The following PAH variants were observed in gnomAD, a reference collection of about 807,000 sequenced individuals.
PAH encodes the protein phenylalanine hydroxylase.
Under a neutral mutation model 62.0 loss-of-function variants are expected in PAH, and 64 were observed. That is an observed-to-expected ratio of 1.03 (90% CI 0.84 to 1.27). The LOEUF is 1.27. Ranked by LOEUF, PAH falls within the 50% of genes most tolerant of loss-of-function variation. PAH has a pLI of 0.00. For missense variants in PAH, 579 were observed against 542.8 expected, an observed-to-expected ratio of 1.07 and a Z score of -0.66; for synonymous variants, 195 against 196.2, an observed-to-expected ratio of 0.99 and a Z score of 0.05.
At position 102,852,280 on chromosome 12, in the gene PAH, G is replaced by C. The variant is rs528881348; in HGVS notation, c.843-524C>G. 58 of 195,120 alleles carry C rather than the reference G, an allele frequency of 3.0e-4. 2 individuals carry two copies. The South Asian group carries it at 5.5e-3, about 19-fold the overall frequency. 12.1% of individuals were successfully genotyped at this position (195,120 alleles called of 1,614,324 possible). A position where few individuals can be genotyped will look rare whatever the true frequency, so the allele number is the denominator to read the frequency against. ...ATGTCCATTTGGAACAGGTCTTTTT[G>C]GATTTGTAGCAATGAACTTTATGGG... On this transcript the variant is annotated intron_variant, in intron 7 of 12. Coordinates refer to ENST00000553106, the MANE Select transcript of PAH (RefSeq NM_000277.3).
At chr12:102,947,709 G>A (rs947149563) in intron 1 of PAH, among the ~76,000 whole-genome samples, 1 of 152,190 alleles carries the variant, frequency 6.6e-6, no homozygotes, top group Non-Finnish European at 1.5e-5. Flanking sequence ...TATCTTTTAT[G>A]TGTAGCAAAA....
intron 1 of PAH, among the ~76,000 whole-genome samples, chr12:102,947,788 T>C (rs1879562819): frequency 6.6e-6 from 1 of 152,208 alleles, no homozygotes; most frequent in Admixed American, 6.5e-5. Context: ...TAGATGTAGA[T>C]GGACATGTAT....
intron 11 of PAH, among the ~76,000 whole-genome samples, chr12:102,841,584 T>C (rs1272574070): frequency 1.3e-5 from 2 of 152,192 alleles, no homozygotes. Flanking sequence ...TGTTATACTA[T>C]GGTGTAAGTG....
chr12:102,871,653 T>C (rs1027133770), intron 4 of PAH, among the ~76,000 whole-genome samples: 8 of 152,156 alleles, frequency 5.3e-5, no homozygotes, highest in Non-Finnish European at 8.8e-5. Context: ...CCAGGTGCAG[T>C]GGCTCATGCC....
intron 1 of PAH, among the ~76,000 whole-genome samples, chr12:102,945,792 C>G (rs1879471439): frequency 6.6e-6 from 1 of 152,160 alleles, no homozygotes; most frequent in Admixed American, 6.5e-5. Context: ...TTTTACCCCA[C>G]TGCGGCCAAC....
chr12:102,915,592 C>T (rs1452529145), intron 1 of PAH, among the ~76,000 whole-genome samples: 1 of 152,182 alleles, frequency 6.6e-6, no homozygotes, highest in Admixed American at 6.5e-5. Context: ...TGCTGATCCC[C>T]CTTCACTTGC....
intron 8 of PAH, among the ~76,000 whole-genome samples, chr12:102,848,737 TG>T (rs552649122): frequency 4.9e-4 from 73 of 149,516 alleles, no homozygotes; most frequent in Non-Finnish European, 7.9e-4. Flanking sequence ...ACCAGGAGAC[TG>T]GAGAGGTTGA....
chr12:102,955,033 G>A (rs1480935295), upstream of PAH, among the ~76,000 whole-genome samples: 1 of 152,198 alleles, frequency 6.6e-6, no homozygotes, highest in Non-Finnish European at 1.5e-5. Flanking sequence ...GGCTGGCATA[G>A]GGAGAATAGA....
chr12:102,866,196 A>G (rs1875951902), intron 5 of PAH, among the ~76,000 whole-genome samples: 1 of 152,110 alleles, frequency 6.6e-6, no homozygotes, highest in African/African-American at 2.4e-5. Flanking sequence ...ATTTCAGTAA[A>G]GCAGCCAGCT....
intron 1 of PAH, among the ~76,000 whole-genome samples, chr12:102,948,990 C>G (rs1363703185): frequency 6.6e-6 from 1 of 152,010 alleles, no homozygotes; most frequent in Admixed American, 6.5e-5. Context: ...AATCAAGTTG[C>G]AAATGTTCGC....
At position 102,852,815 on chromosome 12, in the gene PAH, G is replaced by T. The variant is rs5030851; in HGVS notation, c.842C>A (p.Pro281His). 3 of 1,613,882 alleles carry T rather than the reference G, an allele frequency of 1.9e-6. No individual in the cohort carries two copies. The African/African-American group carries it at 4.0e-5, about 22-fold the overall frequency. ...HGSKPMYTPE[P>H]DICHELLGHV... is the part of the protein sequence containing the mutation. The stretch of plus-strand genomic sequence containing the variant: ...CTGGTAGCTGGAGGACAGTACTCAC[G>T]GTTCGGGGGTATACATGGGCTTGGA... Residue 281 changes from proline (P) to histidine (H), a missense_variant and splice_region_variant, in exon 7 of 13, where the codon CCT becomes CAT. Transcript: ENST00000553106.
chr12:102,859,379 G>A (rs4646988), intron 5 of PAH, among the ~76,000 whole-genome samples: 56,832 of 151,894 alleles, frequency 0.37, 11,159 homozygotes, highest in Non-Finnish European at 0.43. Context: ...ATTCATAGCC[G>A]AATTCTACCA....
chr12:102,862,128 C>T (rs555296731), intron 5 of PAH, among the ~76,000 whole-genome samples: 23 of 152,240 alleles, frequency 1.5e-4, no homozygotes, highest in East Asian at 5.8e-4. Context: ...GCACTATTCA[C>T]GATAGCACAG....
intron 1 of PAH, among the ~76,000 whole-genome samples, chr12:102,947,856 A>G (rs1170958685): frequency 6.6e-6 from 1 of 152,202 alleles, no homozygotes; most frequent in Non-Finnish European, 1.5e-5. Context: ...GCAGTTGACA[A>G]ACTGTGGACC....
rs571391589 is a variant in PAH, at chr12:102,863,824, A to T, written c.509+2772T>A. On this transcript the variant is annotated intron_variant, in intron 5 of 12. Transcript: ENST00000553106. ...CTCCTTTATGTTTGAGTTGTTTTGC[A>T]GATGAAAAATATAAGCTCCTATGAT... 2.6e-3 allele frequency among the ~76,000 whole-genome samples: 400 copies of T among 152,248 alleles called. 2 individuals are homozygous for T. The highest frequency in any genetic ancestry group is 9.0e-3 in the African/African-American group (373 of 41,540).
chr12:102,843,896 A>G (rs1874711293), intron 10 of PAH, 117 bp from the exon 11 acceptor site: 2 of 1,168,946 alleles, frequency 1.7e-6, no homozygotes, highest in Non-Finnish European at 2.5e-6. Flanking sequence ...CTTCTACATC[A>G]CAGCCCAAAT....
chr12:102,912,651 A>G (rs1878245576), intron 2 of PAH, 140 bp downstream of exon 2: 2 of 697,204 alleles, frequency 2.9e-6, no homozygotes, highest in African/African-American at 3.5e-5. Context: ...AAGGTCACAC[A>G]GTTGGTTAAT....
At chr12:102,912,679 A>G (rs1878245976) in intron 2 of PAH, 112 bp downstream of exon 2, 2 of 807,330 alleles carry the variant, frequency 2.5e-6, no homozygotes, top group Non-Finnish European at 4.3e-6. Flanking sequence ...CTTGAGCTCA[A>G]ATTCAAATCT....
At chr12:102,862,616 C>T (rs1319036273) in intron 5 of PAH, among the ~76,000 whole-genome samples, 1 of 152,094 alleles carries the variant, frequency 6.6e-6, no homozygotes, top group Admixed American at 6.6e-5. Context: ...GAACTGTGTT[C>T]GGAACAGCAC....
Sources: allele counts gnomAD v4.1 joint callset (sites outside exome capture counted in the v4.1 genomes callset), GRCh38; gene constraint gnomAD v4.1.1; transcripts MANE v1.5; gene names NCBI Gene and HGNC (gene_info 2026-07-23, HGNC 2026-07-21).